The following FLNB variants were observed in gnomAD, a reference collection of about 807,000 sequenced individuals.
FLNB encodes the protein filamin-B.
FLNB carries 111 observed loss-of-function variants against 250.6 expected under a neutral mutation model. The ratio of observed to expected loss-of-function variants is 0.44; its 90% CI spans 0.38 to 0.52. FLNB has a LOEUF of 0.52. Among genes scored for constraint, FLNB ranks in the 20% least tolerant of loss-of-function variants. FLNB has a pLI of 0.00. For missense variants in FLNB, 2,869 were observed against 3,447.8 expected, an observed-to-expected ratio of 0.83 and a Z score of 4.20; for synonymous variants, 1,302 against 1,372.1, an observed-to-expected ratio of 0.95 and a Z score of 1.13.
chr3:58,042,178 C>T (rs2097146952), intron 1 of FLNB, among the ~76,000 whole-genome samples: 1 of 152,086 alleles, frequency 6.6e-6, no homozygotes, highest in African/African-American at 2.4e-5. Flanking sequence ...TCATGCTGGC[C>T]TGGTTTTTCT....
intron 18 of FLNB, among the ~76,000 whole-genome samples, chr3:58,113,975 G>A (rs370832874): frequency 2.4e-4 from 37 of 152,244 alleles, no homozygotes; most frequent in African/African-American, 8.4e-4. Context: ...CACTGCGCCT[G>A]ACCTCAGTAT....
intron 1 of FLNB, among the ~76,000 whole-genome samples, chr3:58,012,180 C>T (rs1036577216): frequency 7.0e-6 from 1 of 143,294 alleles, no homozygotes; most frequent in African/African-American, 2.7e-5. Flanking sequence ...TGTAACTGCA[C>T]TCCAGCCTGG....
At position 58,123,364 on chromosome 3, in the gene FLNB, C is replaced by T; in HGVS notation, c.3398C>T (p.Pro1133Leu). The T allele has an allele frequency of 6.2e-7, 1 of 1,614,180 alleles. No individual in the cohort carries two copies. The highest frequency in any genetic ancestry group is 8.5e-7 in the Non-Finnish European group (1 of 1,180,040). Residue 1133 changes from proline (P) to leucine (L), a missense_variant, in exon 21 of 46, where the codon CCC (proline) becomes CTC (leucine). Physicochemically the swap from Pro to Leu is moderately conservative, Grantham distance 98. Coordinates refer to ENST00000295956, the MANE Select transcript of FLNB (RefSeq NM_001457.4). ...GCTGACATTGAAATGCCCTTTGACCCCTCTAAAGTCGTGGCATCGGGGCCA... is the reference window on the plus strand; with the variant it reads ...GCTGACATTGAAATGCCCTTTGACCTCTCTAAAGTCGTGGCATCGGGGCCA... ...FKADIEMPFD[P>L]SKVVASGPGL...
chr3:58,049,325 G>A (rs892711510), intron 1 of FLNB, among the ~76,000 whole-genome samples: 1 of 152,186 alleles, frequency 6.6e-6, no homozygotes, highest in Non-Finnish European at 1.5e-5. Context: ...CTTGGAGGAG[G>A]AGCAAAGTGT....
At chr3:58,089,167 A>G (rs1033698946) in intron 4 of FLNB, among the ~76,000 whole-genome samples, 1 of 152,216 alleles carries the variant, frequency 6.6e-6, no homozygotes, top group African/African-American at 2.4e-5. Context: ...ACTGAATGAA[A>G]AAGACAGTTG....
intron 1 of FLNB, among the ~76,000 whole-genome samples, chr3:58,044,021 A>T (rs2097149931): frequency 6.6e-6 from 1 of 152,170 alleles, no homozygotes; most frequent in Non-Finnish European, 1.5e-5. Flanking sequence ...CTATCACTGC[A>T]GGCAACGGGG....
intron 13 of FLNB, 113 bp from the exon 14 acceptor site, chr3:58,109,066 A>G: frequency 1.1e-5 from 14 of 1,244,064 alleles, no homozygotes; most frequent in Non-Finnish European, 1.5e-5. Flanking sequence ...TGGTCCATGA[A>G]GTTTTGTTGT....
At chr3:58,029,530 A>T (rs1474452066) in intron 1 of FLNB, among the ~76,000 whole-genome samples, 2 of 147,834 alleles carry the variant, frequency 1.4e-5, no homozygotes, top group Non-Finnish European at 3.0e-5. Context: ...TTGTCTCAAG[A>T]GTCTTGCTCT....
intron 1 of FLNB, among the ~76,000 whole-genome samples, chr3:58,056,096 TATTTA>T (rs2097169955): frequency 7.5e-6 from 1 of 132,456 alleles, no homozygotes; most frequent in African/African-American, 4.0e-5. Flanking sequence ...TTTATTTATT[TATTTA>T]TTTATTTTTT....
intron 8 of FLNB, among the ~76,000 whole-genome samples, chr3:58,100,247 G>C (rs770958555): frequency 6.6e-6 from 1 of 151,316 alleles, no homozygotes; most frequent in Non-Finnish European, 1.5e-5. Flanking sequence ...TTCCTCACTC[G>C]TGGACTTCCT....
chr3:58,149,363 C>G, intron 36 of FLNB: 1 of 255,316 alleles, frequency 3.9e-6, no homozygotes, highest in South Asian at 5.2e-5. Context: ...CTGGTGAATT[C>G]TAGACAAATT....
At chr3:58,152,301 T>G (rs1168676287) in intron 38 of FLNB, among the ~76,000 whole-genome samples, 1 of 152,170 alleles carries the variant, frequency 6.6e-6, no homozygotes, top group African/African-American at 2.4e-5. Context: ...GGCATCTTTG[T>G]CAGTTTGGGC....
At chr3:58,121,844 C>T (rs2097289219) in intron 20 of FLNB, among the ~76,000 whole-genome samples, 3 of 152,208 alleles carry the variant, frequency 2.0e-5, no homozygotes, top group Admixed American at 2.0e-4. Flanking sequence ...ACGGAGCTCA[C>T]CCTCCAGAAG....
chr3:58,102,234 C>T lies in FLNB; in HGVS notation c.1377C>T (p.Gly459=). 2 of 1,614,232 alleles carry T rather than the reference C, an allele frequency of 1.2e-6. No homozygotes were observed. The highest frequency in any genetic ancestry group is 1.7e-6 in the Non-Finnish European group (2 of 1,180,040). ...ATCCAAATGCCTGCCGGGCCAGTGG[C>T]CGAGGCCTACAACCCAAAGGCGTCC... The part of the protein sequence containing the change: ...ACNPNACRAS[G]RGLQPKGVRI... The change falls in exon 9 of 46, where the codon GGC becomes GGT. Residue 459 remains glycine, a synonymous_variant. Coordinates refer to ENST00000295956, the MANE Select transcript of FLNB (RefSeq NM_001457.4).
intron 1 of FLNB, among the ~76,000 whole-genome samples, chr3:58,041,072 T>C (rs545917429): frequency 1.3e-5 from 2 of 152,170 alleles, no homozygotes; most frequent in African/African-American, 2.4e-5. Flanking sequence ...GTTAATCCCG[T>C]TTTGCAGCTG....
In FLNB at chr3:58,031,138, A is replaced by G. The variant is rs143653608; in HGVS notation, c.292+22282A>G. 3.6e-3 allele frequency among the ~76,000 whole-genome samples: 554 copies of G among 152,206 alleles called. 2 individuals carry two copies. Among genetic ancestry groups the G allele is most frequent in the African/African-American group, 0.012 (517 of 41,526 alleles). ...CATGAAGAGGTGTATAGGGGCTTTC[A>G]ACTCTTTGTAGTGTTTTATTTCTTC... is the stretch of plus-strand genomic sequence containing the variant. On this transcript the variant is annotated intron_variant, in intron 1 of 45. Transcript: ENST00000295956.
chr3:58,108,062 G>A (rs1436724374), intron 12 of FLNB, among the ~76,000 whole-genome samples: 1 of 152,060 alleles, frequency 6.6e-6, no homozygotes, highest in Non-Finnish European at 1.5e-5. Context: ...CACACTGGAA[G>A]GAGAAGAATT....
intron 1 of FLNB, among the ~76,000 whole-genome samples, chr3:58,066,321 G>C (rs1368283591): frequency 6.6e-6 from 1 of 150,996 alleles, no homozygotes; most frequent in Non-Finnish European, 1.5e-5. Context: ...CTGGGTTCAA[G>C]CTATTCTCCT....
intron 29 of FLNB, among the ~76,000 whole-genome samples, chr3:58,140,799 G>A (rs560065301): frequency 2.0e-5 from 3 of 152,120 alleles, no homozygotes; most frequent in African/African-American, 7.2e-5. Context: ...AGTAGAGATG[G>A]GGTTTCACCA....
Sources: gnomAD v4.1 joint callset for allele counts (sites outside exome capture counted in the v4.1 genomes callset) on GRCh38, gnomAD v4.1.1 for gene constraint, MANE v1.5 for transcripts, NCBI Gene and HGNC (gene_info 2026-07-23, HGNC 2026-07-21) for gene names.